DTNA: variants seen among roughly 807,000 people sequenced by gnomAD.
DTNA encodes the protein dystrophin-related protein 3.
A neutral mutation model predicts 100.7 loss-of-function variants in DTNA; 43 were observed. That is an observed-to-expected ratio of 0.43 (90% CI 0.33 to 0.55). The LOEUF (loss-of-function observed/expected upper bound fraction) is 0.55. Among genes scored for constraint, DTNA ranks in the 20% least tolerant of loss-of-function variants. DTNA has a pLI of 0.04. For missense variants in DTNA, 798 were observed against 953.9 expected, an observed-to-expected ratio of 0.84 and a Z score of 2.15; for synonymous variants, 349 against 347.9, an observed-to-expected ratio of 1.00 and a Z score of -0.04.
intron 1 of DTNA, among the ~76,000 whole-genome samples, chr18:34,572,873 A>G (rs1159828580): frequency 6.6e-6 from 1 of 152,248 alleles, no homozygotes; most frequent in African/African-American, 2.4e-5. Flanking sequence ...AGTAGAAAGA[A>G]TGTAAAGCTT....
At chr18:34,762,211 A>G (rs192785499) in intron 2 of DTNA, among the ~76,000 whole-genome samples, 1 of 152,366 alleles carries the variant, frequency 6.6e-6, no homozygotes, top group Admixed American at 6.5e-5. Flanking sequence ...TAAGACTACC[A>G]GACTGCTAGA....
chr18:34,739,388 T>C (rs1270685887), intron 1 of DTNA, among the ~76,000 whole-genome samples: 1 of 152,190 alleles, frequency 6.6e-6, no homozygotes, highest in Non-Finnish European at 1.5e-5. Context: ...CATCATACTT[T>C]TAAAAGCTTT....
intron 1 of DTNA, among the ~76,000 whole-genome samples, chr18:34,532,768 A>ATGTGTG (rs147592280): frequency 4.9e-5 from 3 of 61,482 alleles, no homozygotes; most frequent in East Asian, 1.1e-3. Flanking sequence ...ATATATATAT[A>ATGTGTG]TATGTGTGTG....
intron 7 of DTNA, chr18:34,817,834 G>A: frequency 1.5e-6 from 1 of 669,804 alleles, no homozygotes; most frequent in Non-Finnish European, 2.1e-6. Context: ...GAGACAGAGA[G>A]CAGTTTGGGG....
At chr18:34,732,978 C>T (rs1020377979) in intron 1 of DTNA, among the ~76,000 whole-genome samples, 34 of 152,304 alleles carry the variant, frequency 2.2e-4, no homozygotes, top group African/African-American at 8.2e-4. Context: ...AATTACCTGA[C>T]CTCCATAAGT....
chr18:34,876,611 G>A (rs1228150049), intron 18 of DTNA, among the ~76,000 whole-genome samples: 7 of 152,100 alleles, frequency 4.6e-5, no homozygotes, highest in Non-Finnish European at 1.0e-4. Context: ...AAAATGTTTT[G>A]AAACATCATA....
chr18:34,565,760 C>A (rs1047926096), intron 1 of DTNA, among the ~76,000 whole-genome samples: 6 of 152,194 alleles, frequency 3.9e-5, no homozygotes, highest in African/African-American at 1.4e-4. Context: ...ATCCCAAGAT[C>A]TAACTTAATT....
At chr18:34,735,775 C>T (rs185327556) in intron 1 of DTNA, among the ~76,000 whole-genome samples, 28 of 152,236 alleles carry the variant, frequency 1.8e-4, no homozygotes, top group Non-Finnish European at 3.2e-4. Context: ...CTACACCTAT[C>T]AACTCATTAC....
At chr18:34,733,651 G>A (rs2088852467) in intron 1 of DTNA, among the ~76,000 whole-genome samples, 1 of 152,166 alleles carries the variant, frequency 6.6e-6, no homozygotes, top group South Asian at 2.1e-4. Context: ...TGCAGGTGCT[G>A]CCCTCACAAA....
chr18:34,834,826 G>A (rs1035790608), intron 11 of DTNA, among the ~76,000 whole-genome samples: 3 of 152,046 alleles, frequency 2.0e-5, no homozygotes, highest in African/African-American at 7.2e-5. Flanking sequence ...CCAACATTGA[G>A]GATCAAATTT....
At position 34,674,404 on chromosome 18, in the gene DTNA, G is replaced by A. The variant is rs142281416; in HGVS notation, c.-1-81572G>A. On this transcript the variant is annotated intron_variant, in intron 1 of 19. Transcript: ENST00000283365. Reference sequence around the variant, plus strand: ...AACAAAAATAAGTCCTTAAAATAGAGAGGATGCCTAAGCATCCAATAGCAC... The same window carrying A: ...AACAAAAATAAGTCCTTAAAATAGAAAGGATGCCTAAGCATCCAATAGCAC... 2.1e-3 allele frequency among the ~76,000 whole-genome samples: 323 copies of A among 152,290 alleles called. 2 individuals carry two copies. Among genetic ancestry groups the A allele is most frequent in the African/African-American group, 7.3e-3 (302 of 41,566 alleles).
intron 4 of DTNA, among the ~76,000 whole-genome samples, chr18:34,803,581 T>C (rs772680413): frequency 6.6e-6 from 1 of 152,192 alleles, no homozygotes; most frequent in African/African-American, 2.4e-5. Context: ...TGCTCCTCGA[T>C]TTCTTTGCAT....
chr18:34,632,552 A>G (rs755517765), intron 1 of DTNA, among the ~76,000 whole-genome samples: 1 of 152,184 alleles, frequency 6.6e-6, no homozygotes, highest in Non-Finnish European at 1.5e-5. Context: ...GAATCTTTCT[A>G]TCAGCGGGAT....
At chr18:34,721,313 C>T (rs921039695) in intron 1 of DTNA, among the ~76,000 whole-genome samples, 1 of 152,160 alleles carries the variant, frequency 6.6e-6, no homozygotes, top group African/African-American at 2.4e-5. Flanking sequence ...AGATTAAATT[C>T]TCCCTTTAAA....
intron 1 of DTNA, among the ~76,000 whole-genome samples, chr18:34,592,035 G>A (rs945895406): frequency 9.9e-5 from 15 of 152,210 alleles, no homozygotes; most frequent in South Asian, 6.2e-4. Flanking sequence ...ACGTTTTGCC[G>A]TTGAATATTT....
intron 13 of DTNA, among the ~76,000 whole-genome samples, chr18:34,842,812 T>A (rs2149785029): frequency 6.6e-6 from 1 of 152,314 alleles, no homozygotes; most frequent in Middle Eastern, 3.4e-3. Flanking sequence ...TTTCTTCTTA[T>A]CAGCTGCAGT....
chr18:34,617,661 C>T (rs9961368), intron 1 of DTNA, among the ~76,000 whole-genome samples: 15,467 of 152,074 alleles, frequency 0.1, 1,158 homozygotes, highest in African/African-American at 0.2. Flanking sequence ...GAAGAGTTCC[C>T]CCTCCTCAAT....
chr18:34,672,002 C>A lies in DTNA; in HGVS notation c.-1-83974C>A, dbSNP rs574100602. 2.0e-5 allele frequency among the ~76,000 whole-genome samples: 3 copies of A among 152,288 alleles called. No homozygotes were observed. The South Asian group carries it at 6.2e-4, about 32-fold the overall frequency. Reference sequence around the variant, plus strand: ...AAAAGCTAGTTAGACTAACCTTTGACACATTTTTACTTAACCTGCAAAATT... The same window carrying A: ...AAAAGCTAGTTAGACTAACCTTTGAAACATTTTTACTTAACCTGCAAAATT... On this transcript the variant is annotated intron_variant, in intron 1 of 19. Transcript: ENST00000283365.
At position 34,753,624 on chromosome 18, in the gene DTNA, C is replaced by T. The variant is rs991571103; in HGVS notation, c.-1-2352C>T. On this transcript the variant is annotated intron_variant, in intron 1 of 22. Transcript: ENST00000444659. ...GTCTCGATCTCCTGACCTCGTGATCCGCCCGCCTCGGCCTCCCAAAGTGCT... is the reference window on the plus strand; with the variant it reads ...GTCTCGATCTCCTGACCTCGTGATCTGCCCGCCTCGGCCTCCCAAAGTGCT... Among the ~76,000 whole-genome samples, 17 of 150,938 alleles carry T rather than the reference C, an allele frequency of 1.1e-4. 1 individual carries two copies. The highest frequency in any genetic ancestry group is 3.2e-4 in the African/African-American group (13 of 40,630).
Sources: gnomAD v4.1 joint callset for allele counts (sites outside exome capture counted in the v4.1 genomes callset) on GRCh38, gnomAD v4.1.1 for gene constraint, MANE v1.5 for transcripts, NCBI Gene and HGNC (gene_info 2026-07-23, HGNC 2026-07-21) for gene names.